Variants in CFAP161 observed in about 807,000 individuals in gnomAD.
CFAP161 encodes cilia and flagella associated protein 161, also known as cilia- and flagella-associated protein 161.
CFAP161 carries 25 observed loss-of-function variants against 29.0 expected under a neutral mutation model. The ratio of observed to expected loss-of-function variants is 0.86; its 90% confidence interval spans 0.63 to 1.20. The LOEUF (loss-of-function observed/expected upper bound fraction) is 1.20. Among genes scored for constraint, CFAP161 ranks in the 50% most tolerant of loss-of-function variants. The probability of loss-of-function intolerance (pLI) is 0.00; values close to 1 mark genes in which losing one functional copy is unlikely to be tolerated. For missense variants in CFAP161, 367 were observed against 371.9 expected, an observed-to-expected ratio of 0.99 and a Z score of 0.11; for synonymous variants, 116 against 137.4, an observed-to-expected ratio of 0.84 and a Z score of 1.09.
intron 1 of CFAP161, among the ~76,000 whole-genome samples, chr15:81,120,484 T>C (rs536118509): frequency 1.1e-3 from 163 of 152,296 alleles, no homozygotes; most frequent in Non-Finnish European, 1.8e-3. Context: ...GTTACAGCCA[T>C]TGGCCAGGCC....
At chr15:81,139,154 A>C (rs999136922) in intron 4 of CFAP161, among the ~76,000 whole-genome samples, 10 of 152,004 alleles carry the variant, frequency 6.6e-5, no homozygotes, top group Non-Finnish European at 1.2e-4. Flanking sequence ...ATTTTAAAAA[A>C]ATTGGCCAGG....
chr15:81,101,218 A>G, intron 1 of CFAP161, among the ~76,000 whole-genome samples: 1 of 151,956 alleles, frequency 6.6e-6, no homozygotes, highest in East Asian at 1.9e-4. Context: ...TGTGCCAAAT[A>G]TTTACCCTTT....
chr15:81,111,874 T>C (rs542727356), intron 1 of CFAP161, among the ~76,000 whole-genome samples: 2 of 152,358 alleles, frequency 1.3e-5, no homozygotes, highest in African/African-American at 4.8e-5. Context: ...AAGGTGATTC[T>C]AAAGAAAAGG....
At chr15:81,139,047 A>T (rs1163002179) in intron 4 of CFAP161, among the ~76,000 whole-genome samples, 2 of 152,192 alleles carry the variant, frequency 1.3e-5, no homozygotes, top group African/African-American at 4.8e-5. Flanking sequence ...CATGCCTGTA[A>T]TCTCAGCACT....
At chr15:81,100,731 G>T (rs2663923) in intron 1 of CFAP161, among the ~76,000 whole-genome samples, 85,698 of 150,548 alleles carry the variant, frequency 0.57, 25,297 homozygotes, top group Non-Finnish European at 0.67. Flanking sequence ...AGAGACACAG[G>T]CTCGCCATGT....
chr15:81,147,805 GC>G, intron 5 of CFAP161, 52 bp from the exon 6 acceptor site: 1 of 1,251,476 alleles, frequency 8.0e-7, no homozygotes, highest in Non-Finnish European at 1.1e-6. Flanking sequence ...TTCCCTAAAA[GC>G]AAAAAAAAAA....
At chr15:81,141,991 C>T (rs557423869) in intron 4 of CFAP161, among the ~76,000 whole-genome samples, 1 of 152,186 alleles carries the variant, frequency 6.6e-6, no homozygotes, top group Admixed American at 6.5e-5. Context: ...GCCTTATTTG[C>T]CTTTTTAAAT....
chr15:81,107,753 A>AAAATAAAAT lies in CFAP161; in HGVS notation c.-141-19835_-141-19834insATAAAATAA, dbSNP rs1567150527. 1.4e-3 allele frequency among the ~76,000 whole-genome samples: 211 copies of AAAATAAAAT among 152,292 alleles called. 1 individual carries two copies. The highest frequency in any genetic ancestry group is 4.7e-3 in the African/African-American group (194 of 41,566). On this transcript the variant is annotated intron_variant, in intron 1 of 4. Transcript: ENST00000560091. ...ATAAATAAAATAAAATAAAATAAAT[A>AAAATAAAAT]AACAGAGCTGGTCATATAATATTGA...
chr15:81,137,028 G>C (rs1482021390), intron 3 of CFAP161, among the ~76,000 whole-genome samples: 4 of 151,674 alleles, frequency 2.6e-5, no homozygotes, highest in Non-Finnish European at 4.4e-5. Context: ...AAGCAAAGTA[G>C]GTTTTCCCTA....
At chr15:81,120,716 G>A (rs1279761117) in intron 1 of CFAP161, among the ~76,000 whole-genome samples, 1 of 152,238 alleles carries the variant, frequency 6.6e-6, no homozygotes, top group Admixed American at 6.5e-5. Flanking sequence ...AGGCAATGAC[G>A]TATGTCCTAC....
upstream of CFAP161, among the ~76,000 whole-genome samples, chr15:81,133,201 A>C (rs201433358): frequency 3.4e-5 from 2 of 58,688 alleles, no homozygotes; most frequent in African/African-American, 5.8e-5. Flanking sequence ...ATATATATAT[A>C]TATATATATA....
chr15:81,133,209 ATATATATATATATATGTATTTT>A (rs1426655053), upstream of CFAP161, among the ~76,000 whole-genome samples: 2 of 41,870 alleles, frequency 4.8e-5, no homozygotes, highest in African/African-American at 9.7e-5. Flanking sequence ...ATATATATAT[ATATATATATATATATGTATTTT>A]TTTTTAAATT....
Position 81,147,857 on chromosome 15 carries a change from G to A in CFAP161, c.637-1G>A, listed in dbSNP as rs1895034938. 1.3e-6 allele frequency: 2 copies of A among 1,599,572 alleles called. No homozygotes were observed. Among genetic ancestry groups the A allele is most frequent in the African/African-American group, 1.3e-5 (1 of 74,174 alleles). On this transcript the variant is annotated splice_acceptor_variant, in intron 5 of 6. Coordinates refer to ENST00000286732, the MANE Select transcript of CFAP161 (RefSeq NM_173528.4). LOFTEE classifies it high-confidence loss of function. ...ATAACACATTTTCTTTATCTGTTAA[G>A]GCAAATGCTAAAATTCTCATCAATC...
intron 1 of CFAP161, chr15:81,118,019 T>C (rs962253665): frequency 6.0e-6 from 3 of 498,902 alleles, no homozygotes; most frequent in Non-Finnish European, 1.1e-5. Flanking sequence ...TTCAGGTTAA[T>C]AACCTCACAG....
At chr15:81,113,138 G>A (rs1894458817) in intron 1 of CFAP161, among the ~76,000 whole-genome samples, 1 of 152,146 alleles carries the variant, frequency 6.6e-6, no homozygotes, top group Admixed American at 6.5e-5. Context: ...CATCTGCGTT[G>A]TAAGTTGTGA....
At chr15:81,106,150 T>C (rs1894370021) in intron 1 of CFAP161, among the ~76,000 whole-genome samples, 1 of 152,170 alleles carries the variant, frequency 6.6e-6, no homozygotes, top group Non-Finnish European at 1.5e-5. Context: ...ATGGTCTTGA[T>C]AGATGAGTAG....
chr15:81,134,635 G>A (rs564650163), intron 1 of CFAP161, among the ~76,000 whole-genome samples: 1 of 152,026 alleles, frequency 6.6e-6, no homozygotes, highest in African/African-American at 2.4e-5. Flanking sequence ...GGGTCCCTTG[G>A]CCTCCCAAAG....
chr15:81,148,410 G>C lies in CFAP161; in HGVS notation c.783G>C (p.Arg261Ser). 6.2e-7 allele frequency: 1 copy of C among 1,614,124 alleles called. No individual in the cohort carries two copies. Residue 261 changes from arginine (R) to serine (S), a missense_variant, in exon 7 of 7, where the codon AGG (arginine) becomes AGC (serine). Transcript: ENST00000286732. ...ATTCACATAGAGTTGAGAAACCAAGGAACCACTGGATGTTGGTTACTGGGA... is the reference window on the plus strand; with the variant it reads ...ATTCACATAGAGTTGAGAAACCAAGCAACCACTGGATGTTGGTTACTGGGA... ...YLDSHRVEKP[R>S]NHWMLVTGNP...
chr15:81,106,459 C>A (rs1238200089), intron 1 of CFAP161, among the ~76,000 whole-genome samples: 3 of 152,126 alleles, frequency 2.0e-5, no homozygotes, highest in Non-Finnish European at 4.4e-5. Context: ...CATGAGCCAC[C>A]GTGCCCGGCT....
Sources: gnomAD v4.1 joint callset for allele counts (sites outside exome capture counted in the v4.1 genomes callset) on GRCh38, gnomAD v4.1.1 for gene constraint, MANE v1.5 for transcripts, NCBI Gene and HGNC (gene_info 2026-07-23, HGNC 2026-07-21) for gene names.